Variants in FGF12 observed in about 807,000 individuals in gnomAD.
FGF12 encodes fibroblast growth factor 12, also known as fibroblast growth factor 12B.
In FGF12, 14 loss-of-function variants were observed where a neutral mutation model predicts 23.6. The observed-to-expected ratio is 0.59, with a 90% CI of 0.39 to 0.93. The LOEUF is 0.93. Ranked by LOEUF, FGF12 falls within the 40% of genes least tolerant of loss-of-function variation. The pLI is 0.00. For missense variants in FGF12, 175 were observed against 217.8 expected, an observed-to-expected ratio of 0.80 and a Z score of 1.24; for synonymous variants, 62 against 77.3, an observed-to-expected ratio of 0.80 and a Z score of 1.04.
At chr3:192,585,536 C>G (rs1388323269) in intron 2 of FGF12, among the ~76,000 whole-genome samples, 1 of 152,022 alleles carries the variant, frequency 6.6e-6, no homozygotes, top group East Asian at 1.9e-4. Context: ...TTCTAGACAC[C>G]TAACAAGCTG....
At chr3:192,450,327 C>T (rs932975658) in intron 2 of FGF12, among the ~76,000 whole-genome samples, 3 of 152,200 alleles carry the variant, frequency 2.0e-5, no homozygotes, top group Admixed American at 2.0e-4. Flanking sequence ...CAAACCAGGA[C>T]TACCCATTAC....
chr3:192,391,703 A>G (rs892861739), intron 2 of FGF12, among the ~76,000 whole-genome samples: 1 of 152,228 alleles, frequency 6.6e-6, no homozygotes, highest in Admixed American at 6.5e-5. Flanking sequence ...CTTCATCTCA[A>G]ATAAATTCTT....
At chr3:192,196,635 T>C (rs1717083161) in intron 4 of FGF12, among the ~76,000 whole-genome samples, 1 of 152,186 alleles carries the variant, frequency 6.6e-6, no homozygotes, top group Non-Finnish European at 1.5e-5. Context: ...ATAAAATTAA[T>C]AACTAAAATA....
At position 192,310,140 on chromosome 3, in the gene FGF12, G is replaced by A. The variant is rs141943679; in HGVS notation, c.228+25221C>T. Among the ~76,000 whole-genome samples the A allele has an allele frequency of 8.0e-3, 1,216 of 152,188 alleles. 14 individuals carry two copies. The highest frequency in any genetic ancestry group is 0.017 in the Middle Eastern group (5 of 294). ...AAAAAGTGCTGGTAAAGTATTTGTC[G>A]CAATGCCAAGAGCTACAACCTGGAT... On this transcript the variant is annotated intron_variant, in intron 4 of 5. Transcript: ENST00000445105.
chr3:192,404,029 G>C (rs754996386), intron 2 of FGF12, among the ~76,000 whole-genome samples: 1 of 152,060 alleles, frequency 6.6e-6, no homozygotes, highest in Non-Finnish European at 1.5e-5. Flanking sequence ...TTACTACTTT[G>C]ATTTATTTTA....
At chr3:192,479,340 C>T (rs1160445089) in intron 2 of FGF12, among the ~76,000 whole-genome samples, 1 of 152,166 alleles carries the variant, frequency 6.6e-6, no homozygotes, top group African/African-American at 2.4e-5. Flanking sequence ...AGATGCCCAC[C>T]TGTCCAAAGT....
intron 2 of FGF12, among the ~76,000 whole-genome samples, chr3:192,667,709 A>G (rs1716945074): frequency 6.6e-6 from 1 of 151,816 alleles, no homozygotes. Flanking sequence ...TGAAAGACAC[A>G]GAGGAGTGAA....
chr3:192,450,839 A>G (rs1576990072), intron 2 of FGF12, among the ~76,000 whole-genome samples: 1 of 152,174 alleles, frequency 6.6e-6, no homozygotes, highest in Non-Finnish European at 1.5e-5. Flanking sequence ...TGTCAATCCT[A>G]TACTTATTTC....
At position 192,596,256 on chromosome 3, in the gene FGF12, T is replaced by C. The variant is rs375497564; in HGVS notation, c.13+130925A>G. Among the ~76,000 whole-genome samples the C allele has an allele frequency of 6.4e-4, 98 of 151,964 alleles. 7 individuals are homozygous for C. The South Asian group carries it at 0.02, about 31-fold the overall frequency. On this transcript the variant is annotated intron_variant, in intron 2 of 5. Transcript: ENST00000445105. ...GAAAACAATGAGTAATTTTTGTAAATTTATTGAAACGTCAAGACTGTTCAA... is the reference window on the plus strand; with the variant it reads ...GAAAACAATGAGTAATTTTTGTAAACTTATTGAAACGTCAAGACTGTTCAA...
intron 2 of FGF12, among the ~76,000 whole-genome samples, chr3:192,511,416 T>C (rs1724471525): frequency 6.6e-6 from 1 of 152,196 alleles, no homozygotes; most frequent in African/African-American, 2.4e-5. Context: ...ATGAGGAACC[T>C]GCAATTTTAA....
chr3:192,243,600 C>G (rs1577272287), intron 4 of FGF12, among the ~76,000 whole-genome samples: 1 of 147,006 alleles, frequency 6.8e-6, no homozygotes, highest in South Asian at 2.1e-4. Flanking sequence ...AAATTTTAAA[C>G]AATAAATTTA....
At chr3:192,568,946 A>G (rs1705991306) in intron 2 of FGF12, among the ~76,000 whole-genome samples, 1 of 152,158 alleles carries the variant, frequency 6.6e-6, no homozygotes, top group African/African-American at 2.4e-5. Context: ...CCTTCATAAA[A>G]GACCAACTTA....
chr3:192,616,093 T>A (rs1355991412), intron 2 of FGF12, among the ~76,000 whole-genome samples: 3 of 151,906 alleles, frequency 2.0e-5, no homozygotes, highest in Non-Finnish European at 4.4e-5. Context: ...TACCAACAAC[T>A]AATATATTTT....
chr3:192,656,316 CACACAGAG>C (rs767767764), intron 2 of FGF12, among the ~76,000 whole-genome samples: 6,959 of 66,990 alleles, frequency 0.1, 241 homozygotes, highest in African/African-American at 0.14. Context: ...CACACACACA[CACACAGAG>C]AGAGAATTAT....
chr3:192,686,480 A>G (rs543387633), intron 2 of FGF12, among the ~76,000 whole-genome samples: 1 of 152,108 alleles, frequency 6.6e-6, no homozygotes, highest in African/African-American at 2.4e-5. Context: ...TATCTCACCG[A>G]CCTCATGCCC....
At chr3:192,553,338 G>C (rs1327117729) in intron 2 of FGF12, among the ~76,000 whole-genome samples, 3 of 152,034 alleles carry the variant, frequency 2.0e-5, no homozygotes, top group Non-Finnish European at 4.4e-5. Context: ...ATACCACAAA[G>C]ATGGAAAAGG....
chr3:192,156,052 GA>G (rs1021170351), intron 5 of FGF12, among the ~76,000 whole-genome samples: 11 of 152,110 alleles, frequency 7.2e-5, no homozygotes, highest in African/African-American at 2.7e-4. Context: ...GGAGGTGCTA[GA>G]ATTTTTTTTA....
At chr3:192,295,171 C>A (rs1047325548) in intron 4 of FGF12, among the ~76,000 whole-genome samples, 1 of 152,202 alleles carries the variant, frequency 6.6e-6, no homozygotes, top group Admixed American at 6.5e-5. Context: ...AAAAGCCGAC[C>A]TATCTAAGAG....
At chr3:192,172,151 G>A (rs771395051) in intron 4 of FGF12, among the ~76,000 whole-genome samples, 1 of 151,496 alleles carries the variant, frequency 6.6e-6, no homozygotes, top group Non-Finnish European at 1.5e-5. Flanking sequence ...CACTTCGGGA[G>A]GTTGAGGTAA....
Sources: allele counts gnomAD v4.1 joint callset (sites outside exome capture counted in the v4.1 genomes callset), GRCh38; gene constraint gnomAD v4.1.1; transcripts MANE v1.5; gene names NCBI Gene and HGNC (gene_info 2026-07-23, HGNC 2026-07-21).